The following CCDC85A variants were observed in gnomAD, a reference collection of about 807,000 sequenced individuals.
CCDC85A encodes the protein coiled-coil domain containing 85A, also known as coiled-coil domain-containing protein 85A.
Under a neutral mutation model 50.2 loss-of-function variants are expected in CCDC85A, and 38 were observed. That is an observed-to-expected ratio of 0.76 (90% CI 0.58 to 0.99). The LOEUF is 0.99. Among genes scored for constraint, CCDC85A ranks in the 50% least tolerant of loss-of-function variants. The pLI is 0.00. For missense variants in CCDC85A, 820 were observed against 742.0 expected (o/e 1.11, Z -1.22); for synonymous variants, 366 against 301.4 (o/e 1.21, Z -2.22).
chr2:56,351,107 G>GT (rs918174699), intron 3 of CCDC85A, among the ~76,000 whole-genome samples: 2 of 140,294 alleles, frequency 1.4e-5, no homozygotes, highest in African/African-American at 2.7e-5. Context: ...GCGGTGTTTG[G>GT]TTTTTTGTTC....
intron 3 of CCDC85A, among the ~76,000 whole-genome samples, chr2:56,354,734 T>TA (rs779598524): frequency 3.9e-5 from 6 of 152,236 alleles, no homozygotes; most frequent in Non-Finnish European, 7.3e-5. Flanking sequence ...AAGAGCATAT[T>TA]AAATAAATTA....
At chr2:56,200,130 G>A (rs1286734307) in intron 2 of CCDC85A, among the ~76,000 whole-genome samples, 3 of 152,182 alleles carry the variant, frequency 2.0e-5, no homozygotes, top group Non-Finnish European at 4.4e-5. Context: ...GCCTCCCAAA[G>A]TGCTGGAATT....
At chr2:56,244,556 C>T (rs530649726) in intron 2 of CCDC85A, among the ~76,000 whole-genome samples, 55 of 151,814 alleles carry the variant, frequency 3.6e-4, no homozygotes, top group African/African-American at 1.3e-3. Flanking sequence ...AGGATCCTCT[C>T]CCCTACTGTG....
chr2:56,255,179 C>T (rs1377769138), intron 2 of CCDC85A, among the ~76,000 whole-genome samples: 3 of 152,098 alleles, frequency 2.0e-5, no homozygotes, highest in Non-Finnish European at 4.4e-5. Context: ...ACCACATGGC[C>T]CCACTTCACG....
chr2:56,270,694 G>T (rs1287837965), intron 2 of CCDC85A, among the ~76,000 whole-genome samples: 1 of 152,134 alleles, frequency 6.6e-6, no homozygotes, highest in Non-Finnish European at 1.5e-5. Context: ...TATTGCAATG[G>T]CTCTCAAAGT....
chr2:56,285,008 C>T (rs1671368258), intron 2 of CCDC85A, among the ~76,000 whole-genome samples: 1 of 152,164 alleles, frequency 6.6e-6, no homozygotes, highest in Non-Finnish European at 1.5e-5. Flanking sequence ...ATATTAGTCT[C>T]TTTAAGACAG....
intron 2 of CCDC85A, among the ~76,000 whole-genome samples, chr2:56,247,316 T>A (rs1669553963): frequency 6.6e-6 from 1 of 152,222 alleles, no homozygotes; most frequent in Admixed American, 6.6e-5. Context: ...ATTTAAAGTT[T>A]ATTTTAATAC....
At chr2:56,367,561 G>C (rs1273709919) in intron 3 of CCDC85A, among the ~76,000 whole-genome samples, 1 of 152,096 alleles carries the variant, frequency 6.6e-6, no homozygotes, top group Non-Finnish European at 1.5e-5. Flanking sequence ...TTCTTTGTGA[G>C]GGGTCTGTCC....
intron 2 of CCDC85A, among the ~76,000 whole-genome samples, chr2:56,322,284 T>G (rs1673240975): frequency 6.6e-6 from 1 of 152,164 alleles, no homozygotes; most frequent in African/African-American, 2.4e-5. Context: ...AAAGCCCAAA[T>G]TGACAAATGG....
Position 56,334,486 on chromosome 2 carries a change from A to G in CCDC85A, c.1241-8393A>G, listed in dbSNP as rs7602758. ...AGGTAGAGAAATCACAAGACATTCAATATGTGATTCACTGACAGATGAGTT... is the reference window on the plus strand; with the variant it reads ...AGGTAGAGAAATCACAAGACATTCAGTATGTGATTCACTGACAGATGAGTT... On this transcript the variant is annotated intron_variant, in intron 2 of 5. Transcript: ENST00000407595. Among the ~76,000 whole-genome samples the G allele has an allele frequency of 2.8e-3, 428 of 152,326 alleles. 5 individuals are homozygous for G. Among genetic ancestry groups the G allele is most frequent in the African/African-American group, 9.6e-3 (401 of 41,568 alleles).
intron 2 of CCDC85A, among the ~76,000 whole-genome samples, chr2:56,225,443 C>T (rs1265383457): frequency 6.6e-6 from 1 of 152,064 alleles, no homozygotes; most frequent in Non-Finnish European, 1.5e-5. Context: ...AAATTATTAA[C>T]CATAAATGTC....
At chr2:56,340,784 GA>G (rs1176801459) in intron 2 of CCDC85A, among the ~76,000 whole-genome samples, 2 of 149,910 alleles carry the variant, frequency 1.3e-5, no homozygotes, top group African/African-American at 4.9e-5. Flanking sequence ...GCTGAGGCAG[GA>G]GAATCGCTTG....
intron 5 of CCDC85A, chr2:56,379,833 C>A: frequency 1.0e-6 from 1 of 978,766 alleles, no homozygotes; most frequent in Admixed American, 6.2e-5. Flanking sequence ...AAGCTATAGT[C>A]AGAGAAATGT....
Position 56,321,966 on chromosome 2 carries a change from T to TA in CCDC85A, c.1241-20912dup, listed in dbSNP as rs1321271709. Among the ~76,000 whole-genome samples, 6 of 152,128 alleles carry TA rather than the reference T, an allele frequency of 3.9e-5. No individual in the cohort carries two copies. In the East Asian group the frequency reaches 9.7e-4, roughly 25 times the overall value. ...AGAGATATAGACCAATGGAACAGAATAGAGCCCTCAGAAATAATACCACAC... is the reference window on the plus strand; with the variant it reads ...AGAGATATAGACCAATGGAACAGAATAAGAGCCCTCAGAAATAATACCACAC... On this transcript the variant is annotated intron_variant, in intron 2 of 5. Coordinates refer to ENST00000407595, the MANE Select transcript of CCDC85A (RefSeq NM_001080433.2).
chr2:56,367,352 T>C (rs10180182), intron 3 of CCDC85A, among the ~76,000 whole-genome samples: 133,324 of 152,142 alleles, frequency 0.88, 58,484 homozygotes, highest in East Asian at 0.96. Flanking sequence ...ACTTAGACCA[T>C]TTGAGGGCTG....
chr2:56,282,228 A>T (rs1171426220), intron 2 of CCDC85A, among the ~76,000 whole-genome samples: 1 of 151,962 alleles, frequency 6.6e-6, no homozygotes, highest in Non-Finnish European at 1.5e-5. Context: ...TTGGCCATAT[A>T]TGTGTGGATC....
At chr2:56,210,604 T>C (rs1025922427) in intron 2 of CCDC85A, among the ~76,000 whole-genome samples, 1 of 151,980 alleles carries the variant, frequency 6.6e-6, no homozygotes, top group African/African-American at 2.4e-5. Context: ...CATCTGGAGG[T>C]AACTTTACTC....
chr2:56,205,811 C>G (rs1439545509), intron 2 of CCDC85A, among the ~76,000 whole-genome samples: 8 of 152,074 alleles, frequency 5.3e-5, no homozygotes, highest in Admixed American at 5.2e-4. Flanking sequence ...GTGAGGTGTT[C>G]ATGGTCTGAC....
chr2:56,191,185 G>A (rs924909438), intron 1 of CCDC85A, among the ~76,000 whole-genome samples: 1 of 152,132 alleles, frequency 6.6e-6, no homozygotes, highest in Non-Finnish European at 1.5e-5. Flanking sequence ...TCTCTGTAGC[G>A]GTATCTTCTC....
Sources: allele counts gnomAD v4.1 joint callset (sites outside exome capture counted in the v4.1 genomes callset), GRCh38; gene constraint gnomAD v4.1.1; transcripts MANE v1.5; gene names NCBI Gene and HGNC (gene_info 2026-07-23, HGNC 2026-07-21).